Variants in PACRG observed in about 807,000 individuals in gnomAD.
PACRG encodes parkin coregulated, also known as parkin coregulated gene protein.
Under a neutral mutation model 29.7 loss-of-function variants are expected in PACRG, and 29 were observed. The ratio of observed to expected loss-of-function variants is 0.98; its 90% CI spans 0.73 to 1.33. PACRG has a LOEUF of 1.33. PACRG is among the 40% of genes most tolerant of loss of function. The pLI is 0.00. For synonymous variants in PACRG, 116 were observed against 118.7 expected (o/e 0.98, Z 0.15); for missense variants, 279 against 316.2 (o/e 0.88, Z 0.89).
intron 2 of PACRG, among the ~76,000 whole-genome samples, chr6:163,007,259 C>T (rs910059503): frequency 3.3e-5 from 5 of 151,960 alleles, no homozygotes; most frequent in Non-Finnish European, 7.4e-5. Flanking sequence ...ATTATAGATC[C>T]TACAATACAT....
intron 4 of PACRG, among the ~76,000 whole-genome samples, chr6:163,262,965 C>A (rs767001041): frequency 2.7e-5 from 4 of 150,686 alleles, no homozygotes; most frequent in Non-Finnish European, 5.9e-5. Flanking sequence ...GGCGGGAGAT[C>A]TCCTGAGACC....
rs537608384 is a variant in PACRG, at chr6:162,863,051, G to C, written c.291+48770G>C. Among the ~76,000 whole-genome samples, 3 of 152,306 alleles carry C rather than the reference G, an allele frequency of 2.0e-5. No individual in the cohort carries two copies. The East Asian group carries it at 5.8e-4, about 29-fold the overall frequency. On this transcript the variant is annotated intron_variant, in intron 2 of 4. Coordinates refer to ENST00000366888, the MANE Select transcript of PACRG (RefSeq NM_001080379.2). ...AGTAAAAACAGGCTTAAACACATCA[G>C]GAAACTACTCAGTATAGAGTGGAAA...
chr6:163,115,467 T>C lies in PACRG; in HGVS notation c.613+26059T>C, dbSNP rs565356249. ...CATCCTAAGAGTGATGGATTCTAAA[T>C]TGATTTTTACTGCAGTGGATGCATA... On this transcript the variant is annotated intron_variant, in intron 4 of 4. Transcript: ENST00000366888. Among the ~76,000 whole-genome samples, 9 of 152,290 alleles carry C rather than the reference T, an allele frequency of 5.9e-5. No homozygotes were observed. The South Asian group carries it at 1.2e-3, about 21-fold the overall frequency.
intron 2 of PACRG, among the ~76,000 whole-genome samples, chr6:162,924,182 TC>T (rs1797260260): frequency 6.6e-6 from 1 of 152,112 alleles, no homozygotes; most frequent in Non-Finnish European, 1.5e-5. Context: ...GGTTTCTTTT[TC>T]AGTTAGTTTG....
At chr6:163,057,673 T>C (rs1184482745) in intron 2 of PACRG, among the ~76,000 whole-genome samples, 3 of 152,176 alleles carry the variant, frequency 2.0e-5, no homozygotes, top group Non-Finnish European at 2.9e-5. Context: ...TTATGAGAAA[T>C]TGTGGATTCT....
At chr6:162,955,048 C>G (rs1429818534) in intron 2 of PACRG, among the ~76,000 whole-genome samples, 1 of 152,168 alleles carries the variant, frequency 6.6e-6, no homozygotes. Flanking sequence ...CCATTACTCC[C>G]TGTTTCATGT....
chr6:163,100,739 A>G, intron 4 of PACRG: 1 of 957,472 alleles, frequency 1.0e-6, no homozygotes, highest in Non-Finnish European at 1.2e-6. Context: ...CTTTCTTAAA[A>G]ATCTGTAATT....
chr6:163,313,663 T>C (rs1261625656), intron 4 of PACRG: 2 of 152,202 alleles, frequency 1.3e-5, no homozygotes, highest in African/African-American at 4.8e-5. Flanking sequence ...TCTGGTGAAA[T>C]GCACATTTTC....
intron 3 of PACRG, among the ~76,000 whole-genome samples, chr6:163,070,204 TAAG>T (rs1811913243): frequency 6.6e-6 from 1 of 152,084 alleles, no homozygotes; most frequent in Admixed American, 6.5e-5. Context: ...TAATGAGCAA[TAAG>T]AAGTCATCTG....
chr6:162,858,868 C>T (rs774235822), intron 2 of PACRG, among the ~76,000 whole-genome samples: 7 of 152,144 alleles, frequency 4.6e-5, no homozygotes, highest in Non-Finnish European at 8.8e-5. Flanking sequence ...GCCTTCCCTG[C>T]GGTCATGGCC....
intron 1 of PACRG, among the ~76,000 whole-genome samples, chr6:162,743,771 T>C (rs1202791063): frequency 6.6e-6 from 1 of 152,156 alleles, no homozygotes; most frequent in African/African-American, 2.4e-5. Flanking sequence ...GCTTTTAGTA[T>C]ATTCTCAGAG....
chr6:162,865,487 T>TCGACTA (rs1331392193), intron 2 of PACRG, among the ~76,000 whole-genome samples: 1 of 152,200 alleles, frequency 6.6e-6, no homozygotes, highest in African/African-American at 2.4e-5. Context: ...ATATTAAGTT[T>TCGACTA]CGACTACATG....
intron 2 of PACRG, among the ~76,000 whole-genome samples, chr6:162,872,181 T>G (rs1249664998): frequency 6.6e-6 from 1 of 151,516 alleles, no homozygotes; most frequent in East Asian, 2.0e-4. Context: ...GGAGGTGGAC[T>G]CATAGCCAGG....
chr6:163,305,974 T>C (rs1005285588), intron 4 of PACRG, among the ~76,000 whole-genome samples: 3 of 152,204 alleles, frequency 2.0e-5, no homozygotes, highest in Admixed American at 6.5e-5. Context: ...CCTCTCTTTC[T>C]GAACCTTCCC....
chr6:163,075,131 A>G (rs891549827), intron 3 of PACRG, among the ~76,000 whole-genome samples: 1 of 152,234 alleles, frequency 6.6e-6, no homozygotes, highest in African/African-American at 2.4e-5. Context: ...ACTTATCCCT[A>G]AAACTTTGAA....
chr6:163,217,158 C>G (rs1034018969), intron 4 of PACRG, among the ~76,000 whole-genome samples: 1 of 152,208 alleles, frequency 6.6e-6, no homozygotes, highest in African/African-American at 2.4e-5. Context: ...GAGGCTTAGC[C>G]TGACTAAATG....
intron 1 of PACRG, among the ~76,000 whole-genome samples, chr6:162,794,704 A>G (rs1785230393): frequency 6.6e-6 from 1 of 152,180 alleles, no homozygotes; most frequent in South Asian, 2.1e-4. Flanking sequence ...TTCCCCATTC[A>G]TCAGCAATGT....
At chr6:162,881,167 A>ATTGGAAG (rs1793807334) in intron 2 of PACRG, among the ~76,000 whole-genome samples, 1 of 152,142 alleles carries the variant, frequency 6.6e-6, no homozygotes, top group South Asian at 2.1e-4. Flanking sequence ...GATTTTGCCT[A>ATTGGAAG]TTGGAAGTGT....
intron 4 of PACRG, among the ~76,000 whole-genome samples, chr6:163,138,580 A>G (rs777315375): frequency 6.6e-6 from 1 of 152,174 alleles, no homozygotes; most frequent in East Asian, 1.9e-4. Flanking sequence ...GCAGTTCACA[A>G]TAGGGTTCAT....
Sources: allele counts gnomAD v4.1 joint callset (sites outside exome capture counted in the v4.1 genomes callset), GRCh38; gene constraint gnomAD v4.1.1; transcripts MANE v1.5; gene names NCBI Gene and HGNC (gene_info 2026-07-23, HGNC 2026-07-21).